The following LIMS1 variants were observed in gnomAD, a reference collection of about 807,000 sequenced individuals.
The protein encoded by LIMS1 is LIM zinc finger domain containing 1, also known as LIM and senescent cell antigen-like-containing domain protein 1.
In LIMS1, 18 loss-of-function variants were observed where a neutral mutation model predicts 44.1. The observed-to-expected ratio is 0.41, with a 90% CI of 0.28 to 0.61. The LOEUF (loss-of-function observed/expected upper bound fraction) is 0.61, where lower values mean the gene tolerates loss of function less well. Ranked by LOEUF, LIMS1 falls within the 20% of genes least tolerant of loss-of-function variation. The pLI is 0.32. For missense variants in LIMS1, 201 were observed against 422.0 expected (o/e 0.48, Z 4.59); for synonymous variants, 93 against 149.1 (o/e 0.62, Z 2.74).
At chr2:108,608,387 C>G (rs971920864) in intron 1 of LIMS1, among the ~76,000 whole-genome samples, 1 of 150,904 alleles carries the variant, frequency 6.6e-6, no homozygotes, top group Non-Finnish European at 1.5e-5. Context: ...CTCACTGAAA[C>G]CTCCGCCTCC....
At chr2:108,662,074 G>A (rs568659604) in intron 2 of LIMS1, among the ~76,000 whole-genome samples, 75 of 152,024 alleles carry the variant, frequency 4.9e-4, no homozygotes, top group Non-Finnish European at 9.9e-4. Flanking sequence ...AGGAGAGCTC[G>A]GTCCAGGGGA....
At chr2:108,622,370 G>A (rs1688296645) in intron 1 of LIMS1, among the ~76,000 whole-genome samples, 1 of 152,124 alleles carries the variant, frequency 6.6e-6, no homozygotes, top group African/African-American at 2.4e-5. Context: ...CTATTTAAAT[G>A]TAACAAGGAC....
chr2:108,601,633 T>C (rs1343571567), intron 1 of LIMS1, among the ~76,000 whole-genome samples: 14 of 152,232 alleles, frequency 9.2e-5, no homozygotes, highest in African/African-American at 3.4e-4. Context: ...CCATGTTCAA[T>C]TGAGTTCAAA....
At position 108,680,781 on chromosome 2, in the gene LIMS1, G is replaced by A. The variant is rs544559099; in HGVS notation, c.899+11G>A. On this transcript the variant is annotated intron_variant, in intron 9 of 9. Transcript: ENST00000544547. Reference sequence around the variant, plus strand: ...TAAATTAACACTCAAGTAAGTGTACGGTTTTGTCCAGTGTGAATCCTAAGA... The same window carrying A: ...TAAATTAACACTCAAGTAAGTGTACAGTTTTGTCCAGTGTGAATCCTAAGA... The A allele has an allele frequency of 1.5e-5, 24 of 1,605,388 alleles. No individual in the cohort carries two copies. Among genetic ancestry groups the A allele is most frequent in the African/African-American group, 4.0e-5 (3 of 74,486 alleles).
intron 6 of LIMS1, 137 bp from the exon 7 acceptor site, chr2:108,676,469 G>C (rs1173306315): frequency 9.4e-7 from 1 of 1,058,372 alleles, no homozygotes. Flanking sequence ...ATTATATTAT[G>C]GGGCCACCTA....
At chr2:108,672,516 A>C in intron 4 of LIMS1, 71 bp downstream of exon 4, 1 of 429,542 alleles carries the variant, frequency 2.3e-6, no homozygotes, top group Non-Finnish European at 3.8e-6. Context: ...TGTATTCTCC[A>C]TGTGGGATGT....
chr2:108,646,253 A>T (rs954954134), intron 1 of LIMS1, among the ~76,000 whole-genome samples: 1 of 152,208 alleles, frequency 6.6e-6, no homozygotes, highest in African/African-American at 2.4e-5. Context: ...TCCTCAGCAA[A>T]TGCAAAAAAA....
chr2:108,561,274 G>A (rs1573330100), intron 1 of LIMS1, among the ~76,000 whole-genome samples: 2 of 152,278 alleles, frequency 1.3e-5, no homozygotes, highest in Admixed American at 1.3e-4. Flanking sequence ...ACCAGCATCT[G>A]TTATTTTCTG....
intron 1 of LIMS1, among the ~76,000 whole-genome samples, chr2:108,650,127 T>G (rs1032051449): frequency 4.6e-5 from 7 of 152,214 alleles, no homozygotes; most frequent in African/African-American, 1.7e-4. Flanking sequence ...CCCACCCTAC[T>G]TCAATGGCTA....
At chr2:108,569,978 G>A (rs1685429985) in intron 1 of LIMS1, among the ~76,000 whole-genome samples, 1 of 151,886 alleles carries the variant, frequency 6.6e-6, no homozygotes, top group South Asian at 2.1e-4. Flanking sequence ...TAATGCAAAA[G>A]TATTTTTTAG....
chr2:108,646,563 TA>T (rs1339812137), intron 1 of LIMS1, among the ~76,000 whole-genome samples: 6 of 151,850 alleles, frequency 4.0e-5, no homozygotes. Flanking sequence ...ACATCACAAT[TA>T]AAAGAACTGG....
chr2:108,591,365 G>A (rs1338449965), intron 1 of LIMS1, among the ~76,000 whole-genome samples: 1 of 152,130 alleles, frequency 6.6e-6, no homozygotes, highest in South Asian at 2.1e-4. Context: ...TGTCAGAGGC[G>A]TGGGAAGGAG....
chr2:108,609,869 G>A (rs899434064), intron 1 of LIMS1, among the ~76,000 whole-genome samples: 12 of 152,158 alleles, frequency 7.9e-5, no homozygotes, highest in African/African-American at 1.7e-4. Flanking sequence ...TTGGCCGGGC[G>A]CGGTGGCTCA....
chr2:108,535,405 G>C (rs114797189), intron 1 of LIMS1, among the ~76,000 whole-genome samples: 5 of 152,320 alleles, frequency 3.3e-5, no homozygotes, highest in African/African-American at 1.2e-4. Flanking sequence ...ACACAGTTTC[G>C]TTAAAATTCC....
At position 108,539,514 on chromosome 2, in the gene LIMS1, A is replaced by T. The variant is rs554074952; in HGVS notation, c.32+4920A>T. On this transcript the variant is annotated intron_variant, in intron 1 of 9. Coordinates refer to ENST00000544547, the Ensembl canonical transcript of LIMS1. ...CCCTGTCAGCGTCTTTAAGCCTCAG[A>T]TTCTTAATTTATAAAATAATCCCAC... Among the ~76,000 whole-genome samples, 4 of 152,140 alleles carry T rather than the reference A, an allele frequency of 2.6e-5. No individual in the cohort carries two copies. In the South Asian group the frequency reaches 8.3e-4, roughly 32 times the overall value.
In LIMS1 at chr2:108,612,021, C is replaced by CAT. The variant is rs1687673688; in HGVS notation, c.33-47583_33-47582insTA. On this transcript the variant is annotated intron_variant, in intron 1 of 9. Transcript: ENST00000544547. ...ATATATACACACATATATATATACA[C>CAT]ACACATATACACACACACACACACA... 9.6e-5 allele frequency among the ~76,000 whole-genome samples: 6 copies of CAT among 62,654 alleles called. No homozygotes were observed. The East Asian group carries it at 0.015, about 157-fold the overall frequency. 41.1% of individuals were successfully genotyped at this position (62,654 alleles called of 152,430 possible).
chr2:108,684,128 A>G (rs766433643), exon 10 of LIMS1: 1 of 486,372 alleles, frequency 2.1e-6, no homozygotes, highest in Non-Finnish European at 3.7e-6. Context: ...GTTTTATGTC[A>G]TTTTTTTAAT....
At chr2:108,579,878 T>C (rs554915891) in intron 1 of LIMS1, among the ~76,000 whole-genome samples, 1 of 152,260 alleles carries the variant, frequency 6.6e-6, no homozygotes, top group Non-Finnish European at 1.5e-5. Flanking sequence ...ATGGGAATCA[T>C]CCCAAGAAGA....
At chr2:108,612,834 C>T (rs1161522091) in intron 1 of LIMS1, among the ~76,000 whole-genome samples, 1 of 152,106 alleles carries the variant, frequency 6.6e-6, no homozygotes, top group Non-Finnish European at 1.5e-5. Context: ...CCGGGGCTTG[C>T]GCTGCGGCTC....
Sources: allele counts gnomAD v4.1 joint callset (sites outside exome capture counted in the v4.1 genomes callset), GRCh38; gene constraint gnomAD v4.1.1; transcripts MANE v1.5; gene names NCBI Gene and HGNC (gene_info 2026-07-23, HGNC 2026-07-21).